Variants in GRM5 observed in about 807,000 individuals in gnomAD.
The protein encoded by GRM5 is glutamate metabotropic receptor 5.
In GRM5, 19 loss-of-function variants were observed where a neutral mutation model predicts 83.1. The ratio of observed to expected loss-of-function variants is 0.23; its 90% CI spans 0.16 to 0.34. GRM5 has a LOEUF of 0.34. Ranked by LOEUF, GRM5 falls within the 10% of genes least tolerant of loss-of-function variation. The pLI is 1.00. For synonymous variants in GRM5, 675 were observed against 633.6 expected, an observed-to-expected ratio of 1.07 and a Z score of -0.98; for missense variants, 1,160 against 1,588.3, an observed-to-expected ratio of 0.73 and a Z score of 4.58.
chr11:88,701,703 G>A (rs572539745), intron 3 of GRM5, among the ~76,000 whole-genome samples: 6 of 152,196 alleles, frequency 3.9e-5, no homozygotes, highest in African/African-American at 1.4e-4. Flanking sequence ...GGCCCAAAAA[G>A]GTAGAACATC....
At chr11:88,987,105 A>C (rs929849145) in intron 2 of GRM5, among the ~76,000 whole-genome samples, 2 of 152,210 alleles carry the variant, frequency 1.3e-5, no homozygotes. Context: ...TACCGGGTTC[A>C]TCTCACTAGG....
At chr11:88,924,842 C>T (rs1945758730) in intron 2 of GRM5, among the ~76,000 whole-genome samples, 2 of 151,674 alleles carry the variant, frequency 1.3e-5, no homozygotes, top group Non-Finnish European at 2.9e-5. Flanking sequence ...CATAAGTCAC[C>T]TATGGAAAGT....
At chr11:88,742,155 G>T (rs1942042574) in intron 3 of GRM5, among the ~76,000 whole-genome samples, 1 of 151,914 alleles carries the variant, frequency 6.6e-6, no homozygotes, top group Non-Finnish European at 1.5e-5. Flanking sequence ...GATTAGAGCT[G>T]CAGAAGATCT....
intron 9 of GRM5, 66 bp downstream of exon 9, chr11:88,525,243 C>T: frequency 1.1e-6 from 1 of 905,008 alleles, no homozygotes; most frequent in Non-Finnish European, 1.8e-6. Context: ...GACCAGGGAG[C>T]CACATGTTCC....
At chr11:88,643,653 A>G (rs1017229956) in intron 4 of GRM5, among the ~76,000 whole-genome samples, 1 of 152,294 alleles carries the variant, frequency 6.6e-6, no homozygotes, top group Non-Finnish European at 1.5e-5. Flanking sequence ...GGAATCTCAA[A>G]TCTGGGTGTT....
intron 3 of GRM5, among the ~76,000 whole-genome samples, chr11:88,750,407 C>T (rs1349717902): frequency 6.6e-6 from 1 of 152,162 alleles, no homozygotes; most frequent in Non-Finnish European, 1.5e-5. Flanking sequence ...AATATATATG[C>T]ACCCAATGCA....
At chr11:88,593,985 G>C (rs1937726220) in intron 6 of GRM5, among the ~76,000 whole-genome samples, 1 of 151,764 alleles carries the variant, frequency 6.6e-6, no homozygotes, top group African/African-American at 2.4e-5. Context: ...TAGTAGAGAC[G>C]GGGTTTTACC....
intron 8 of GRM5, among the ~76,000 whole-genome samples, chr11:88,532,742 G>T (rs1473469310): frequency 6.6e-6 from 1 of 152,134 alleles, no homozygotes; most frequent in Admixed American, 6.5e-5. Context: ...AAGACATTCT[G>T]TACATGTTGG....
intron 2 of GRM5, among the ~76,000 whole-genome samples, chr11:88,908,016 G>A (rs1945433337): frequency 6.6e-6 from 1 of 152,060 alleles, no homozygotes; most frequent in Admixed American, 6.6e-5. Flanking sequence ...CAATTTTGGA[G>A]AAAGTGGTTA....
At chr11:88,694,573 A>C (rs992373050) in intron 3 of GRM5, among the ~76,000 whole-genome samples, 2 of 150,494 alleles carry the variant, frequency 1.3e-5, no homozygotes, top group African/African-American at 4.9e-5. Flanking sequence ...TTTTAACGAG[A>C]GCATGCCAAT....
At chr11:88,996,736 A>C (rs551361090) in intron 2 of GRM5, among the ~76,000 whole-genome samples, 1 of 152,362 alleles carries the variant, frequency 6.6e-6, no homozygotes, top group South Asian at 2.1e-4. Context: ...CCTTTGGAAC[A>C]TACACTAAGA....
intron 2 of GRM5, among the ~76,000 whole-genome samples, chr11:88,988,171 T>C (rs1347652461): frequency 6.6e-6 from 1 of 151,412 alleles, no homozygotes; most frequent in Non-Finnish European, 1.5e-5. Flanking sequence ...TTAAAGGAGC[T>C]GATGGAGCTG....
intron 2 of GRM5, among the ~76,000 whole-genome samples, chr11:88,856,582 A>G (rs1318225246): frequency 1.3e-5 from 2 of 152,110 alleles, no homozygotes; most frequent in Non-Finnish European, 2.9e-5. Flanking sequence ...TAAAATAATG[A>G]TAAAAATATA....
At chr11:88,731,124 A>AT (rs959019434) in intron 3 of GRM5, among the ~76,000 whole-genome samples, 32 of 152,156 alleles carry the variant, frequency 2.1e-4, no homozygotes, top group Non-Finnish European at 3.8e-4. Flanking sequence ...AAAAAATGCC[A>AT]TTTTTTTAAT....
rs61456975 is a variant in GRM5, at chr11:88,885,450, GTTTTTTTT to G, written c.662-35303_662-35296del. On this transcript the variant is annotated intron_variant, in intron 2 of 9. Coordinates refer to ENST00000305447, the MANE Select transcript of GRM5 (RefSeq NM_001143831.3). ...TTCTGAATTCTATAGTAGGTACCAT[GTTTTTTTT>G]TTTTTTTTTTTTTTTTTTTTTTTTT... Among the ~76,000 whole-genome samples, 153 of 62,646 alleles carry G rather than the reference GTTTTTTTT, an allele frequency of 2.4e-3. 8 individuals are homozygous for G. Among genetic ancestry groups the G allele is most frequent in the Middle Eastern group, 0.012 (1 of 84 alleles). 41.1% of individuals were successfully genotyped at this position (62,646 alleles called of 152,430 possible). A position where few individuals can be genotyped will look rare whatever the true frequency, so the allele number is the denominator to read the frequency against.
intron 2 of GRM5, among the ~76,000 whole-genome samples, chr11:89,018,954 TTATTAA>T (rs1940920323): frequency 6.6e-6 from 1 of 152,194 alleles, no homozygotes; most frequent in Admixed American, 6.5e-5. Context: ...TGATACATTA[TTATTAA>T]CTAAAGCCTA....
intron 3 of GRM5, among the ~76,000 whole-genome samples, chr11:88,670,196 GAA>G (rs1167475814): frequency 6.6e-6 from 1 of 151,768 alleles, no homozygotes; most frequent in African/African-American, 2.4e-5. Flanking sequence ...ATGTCTTTAT[GAA>G]AAAAGAGTCT....
rs770575232 is a variant in GRM5, at chr11:88,509,111, C to G, written c.3120G>C (p.Pro1040=). 1.3e-6 allele frequency: 2 copies of G among 1,546,762 alleles called. No individual in the cohort carries two copies. Among genetic ancestry groups the G allele is most frequent in the Non-Finnish European group, 8.7e-7 (1 of 1,146,184 alleles). The change falls in exon 10 of 10, where the codon CCG becomes CCC. Residue 1040 remains proline (P), a synonymous_variant. Transcript: ENST00000305447. ...GCGCCACAGGCTCCGAGTGCAGCGA[C>G]GGCACATCGTCGTCCGTGCGGCTGG... ...GSASRTDDDV[P]SLHSEPVARS...
chr11:88,506,117 A>G lies in GRM5; in HGVS notation c.*2475T>C, dbSNP rs1363994172. 2.6e-5 allele frequency: 4 copies of G among 152,238 alleles called. No homozygotes were observed. The highest frequency in any genetic ancestry group is 3.8e-4 in the East Asian group (2 of 5,208). 9.4% of individuals were successfully genotyped at this position (152,238 alleles called of 1,614,324 possible). A position where few individuals can be genotyped will look rare whatever the true frequency, so the allele number is the denominator to read the frequency against. On this transcript the variant is annotated 3_prime_UTR_variant, in exon 10 of 10. Transcript: ENST00000305447. ...TTTTCTAATTGGATAAATCATTTTTATTATTACAGTTGATTATGATAGCAT... is the reference window on the plus strand; with the variant it reads ...TTTTCTAATTGGATAAATCATTTTTGTTATTACAGTTGATTATGATAGCAT...
Sources: gnomAD v4.1 joint callset for allele counts (sites outside exome capture counted in the v4.1 genomes callset) on GRCh38, gnomAD v4.1.1 for gene constraint, MANE v1.5 for transcripts, NCBI Gene and HGNC (gene_info 2026-07-23, HGNC 2026-07-21) for gene names.